UHRF1: variants seen among roughly 807,000 people sequenced by gnomAD.
UHRF1 encodes ubiquitin like with PHD and ring finger domains 1, also known as E3 ubiquitin-protein ligase UHRF1.
UHRF1 carries 9 observed loss-of-function variants against 96.5 expected under a neutral mutation model. The observed-to-expected ratio is 0.09, with a 90% CI of 0.06 to 0.16. The LOEUF (loss-of-function observed/expected upper bound fraction) is 0.16. Among genes scored for constraint, UHRF1 ranks in the 10% least tolerant of loss-of-function variants. The pLI is 1.00. For missense variants in UHRF1, 626 were observed against 1,131.1 expected, an observed-to-expected ratio of 0.55 and a Z score of 6.40; for synonymous variants, 455 against 469.9, an observed-to-expected ratio of 0.97 and a Z score of 0.41.
chr19:4,937,162 C>T (rs2033241207), intron 5 of UHRF1, among the ~76,000 whole-genome samples: 3 of 152,096 alleles, frequency 2.0e-5, no homozygotes, highest in South Asian at 2.1e-4. Flanking sequence ...TGGAATCACA[C>T]AGTATGTAAC....
In UHRF1 at chr19:4,932,864, C is replaced by A; in HGVS notation, c.693C>A (p.Asn231Lys). The A allele has an allele frequency of 6.2e-7, 1 of 1,613,868 alleles. No individual in the cohort carries two copies. The highest frequency in any genetic ancestry group is 8.5e-7 in the Non-Finnish European group (1 of 1,179,898). The change falls in exon 5 of 17, where the codon AAC becomes AAA. Residue 231 changes from asparagine to lysine, a missense_variant. Asn to Lys is a moderately conservative substitution (Grantham distance 94). Around this residue, in one of 11 missense-constraint regions of UHRF1, gnomAD observed 198 missense variants for 235.1 expected, o/e 0.84. Transcript: ENST00000650932. ...TCATGCTCAACTACAACCCCGACAA[C>A]CCCAAGGAGCGGGGCTTCTGGTACG... Reference protein sequence around the residue: ...QVVMLNYNPDNPKERGFWYDA... With the variant: ...QVVMLNYNPDKPKERGFWYDA...
Position 4,950,362 on chromosome 19 carries a change from G to C in UHRF1, c.1518-249G>C, listed in dbSNP as rs369595081. 6.1e-4 allele frequency among the ~76,000 whole-genome samples: 93 copies of C among 151,660 alleles called. No individual in the cohort carries two copies. In the South Asian group the frequency reaches 0.019, roughly 31 times the overall value. The stretch of plus-strand genomic sequence containing the variant: ...AGACTCAAGCGATTCTCCTGCCTCA[G>C]CCTCCTGAGTAGCTGGAATTACAGG... On this transcript the variant is annotated intron_variant, in intron 11 of 16. Transcript: ENST00000650932.
intron 11 of UHRF1, among the ~76,000 whole-genome samples, chr19:4,948,622 T>C (rs868161858): frequency 8.6e-5 from 13 of 151,686 alleles, no homozygotes; most frequent in African/African-American, 2.9e-4. Context: ...GCCAACATGG[T>C]GAAACCCTGT....
rs142115287 is a variant in UHRF1, at chr19:4,921,038, C to T, written c.154-8184C>T. Among the ~76,000 whole-genome samples, 728 of 150,384 alleles carry T rather than the reference C, an allele frequency of 4.8e-3. 3 individuals are homozygous for T. The highest frequency in any genetic ancestry group is 0.017 in the African/African-American group (691 of 40,934). On this transcript the variant is annotated intron_variant, in intron 2 of 16. Transcript: ENST00000650932. ...ACTCGGGAGGCTGAGGCAGGAGAAT[C>T]GCTTGAACCCAGGAGGCGGAGGTCA...
intron 9 of UHRF1, among the ~76,000 whole-genome samples, chr19:4,945,269 T>A (rs2033528740): frequency 6.6e-6 from 1 of 151,956 alleles, no homozygotes; most frequent in Admixed American, 6.6e-5. Flanking sequence ...CCCACTTTTA[T>A]TTTTTTTGAG....
At chr19:4,927,067 AAAAAC>A (rs933112126) in intron 2 of UHRF1, among the ~76,000 whole-genome samples, 12 of 152,026 alleles carry the variant, frequency 7.9e-5, no homozygotes, top group East Asian at 3.9e-4. Context: ...CCTCAAAACA[AAAAAC>A]AAAACAAAAC....
chr19:4,944,604 G>T (rs1418517788), intron 9 of UHRF1, among the ~76,000 whole-genome samples, 154 bp downstream of exon 9: 1 of 152,194 alleles, frequency 6.6e-6, no homozygotes, highest in African/African-American at 2.4e-5. Flanking sequence ...GCAGGTTTGG[G>T]TTTACTCCTT....
At chr19:4,959,093 T>C (rs1242828354) in intron 16 of UHRF1, among the ~76,000 whole-genome samples, 1 of 149,802 alleles carries the variant, frequency 6.7e-6, no homozygotes, top group East Asian at 2.1e-4. Context: ...GAGATCCTCC[T>C]GCCTTAGCCT....
intron 1 of UHRF1, 36 bp from the exon 2 acceptor site, chr19:4,910,839 TA>T: frequency 6.4e-7 from 1 of 1,571,452 alleles, no homozygotes; most frequent in Non-Finnish European, 8.7e-7. Context: ...GAGGTGCTGG[TA>T]AAACTGATGG....
intron 10 of UHRF1, among the ~76,000 whole-genome samples, chr19:4,946,876 C>T (rs1383603451): frequency 1.3e-5 from 2 of 151,910 alleles, no homozygotes; most frequent in Non-Finnish European, 2.9e-5. Context: ...ATGCCCAGCC[C>T]TCTGTTTAAG....
At position 4,950,776 on chromosome 19, in the gene UHRF1, G is replaced by A. The variant is rs374648832; in HGVS notation, c.1680+3G>A. 3 of 1,613,132 alleles carry A rather than the reference G, an allele frequency of 1.9e-6. No homozygotes were observed. The highest frequency in any genetic ancestry group is 2.7e-5 in the African/African-American group (2 of 74,920). ...ACCGCTACGATGGCATCTACAAGGTGAGTGCCCCTTGAGGAGGCCGGGGGC... is the reference window on the plus strand; with the variant it reads ...ACCGCTACGATGGCATCTACAAGGTAAGTGCCCCTTGAGGAGGCCGGGGGC... On this transcript the variant is annotated splice_donor_region_variant and intron_variant, in intron 12 of 16. Coordinates refer to ENST00000650932, the MANE Select transcript of UHRF1 (RefSeq NM_001048201.3).
chr19:4,957,643 C>A (rs2033893679), intron 16 of UHRF1, among the ~76,000 whole-genome samples: 1 of 152,132 alleles, frequency 6.6e-6, no homozygotes, highest in Non-Finnish European at 1.5e-5. Flanking sequence ...TGGTTTGGGG[C>A]CAGGACAGGG....
In UHRF1 at chr19:4,954,802, C is replaced by T. The variant is rs760435882; in HGVS notation, c.2110C>T (p.Arg704Trp). ...TGAGGTCCTGGCGTCACTCAAGGAC[C>T]GGCCGGCGAGCGGCAGCCCGGTAGG... ...WNEVLASLKD[R>W]PASGSPFQLF... Residue 704 changes from arginine (R) to tryptophan (W), a missense_variant, in exon 15 of 17, where the codon CGG becomes TGG. Transcript: ENST00000650932. The surrounding 1 kb of genome is among the most constrained non-coding windows in gnomAD (Gnocchi z 5.9). The T allele has an allele frequency of 1.9e-5, 30 of 1,613,564 alleles. No homozygotes were observed. Among genetic ancestry groups the T allele is most frequent in the African/African-American group, 2.7e-5 (2 of 74,930 alleles).
At chr19:4,941,421 C>T (rs1042798201) in intron 5 of UHRF1, 107 bp from the exon 6 acceptor site, 8 of 798,668 alleles carry the variant, frequency 1.0e-5, no homozygotes, top group Non-Finnish European at 1.7e-5. Flanking sequence ...GGGGGCGTAG[C>T]TGAGCTGTTG....
intron 5 of UHRF1, among the ~76,000 whole-genome samples, chr19:4,941,142 GTGCAGTGGCGCGATCTTGGCTCAC>G (rs1382166423): frequency 7.3e-6 from 1 of 136,710 alleles, no homozygotes; most frequent in African/African-American, 2.8e-5. Context: ...CCAGGCTGGA[GTGCAGTGGCGCGATCTTGGCTCAC>G]TGCAACCTCT....
At chr19:4,959,439 G>C (rs543281565) in intron 16 of UHRF1, among the ~76,000 whole-genome samples, 1 of 152,180 alleles carries the variant, frequency 6.6e-6, no homozygotes, top group Non-Finnish European at 1.5e-5. Flanking sequence ...GCTGTGTGAC[G>C]ACATGCTGCA....
chr19:4,946,080 G>T, intron 10 of UHRF1, 115 bp downstream of exon 10: 2 of 757,040 alleles, frequency 2.6e-6, no homozygotes, highest in South Asian at 1.8e-5. Flanking sequence ...GGTTCCCGGT[G>T]GCGTGAAGTA....
At chr19:4,909,912 GCC>G (rs1403973131) in intron 1 of UHRF1, among the ~76,000 whole-genome samples, 1 of 151,344 alleles carries the variant, frequency 6.6e-6, no homozygotes, top group African/African-American at 2.4e-5. Flanking sequence ...CTGGCGAGCC[GCC>G]GGGGAGGATG....
chr19:4,941,891 C>T lies in UHRF1; in HGVS notation c.1033C>T (p.Leu345=). 1 of 1,539,606 alleles carries T rather than the reference C, an allele frequency of 6.5e-7. No individual in the cohort carries two copies. The highest frequency in any genetic ancestry group is 8.8e-7 in the Non-Finnish European group (1 of 1,141,460). ...ECDMAFHIYC[L]DPPLSSVPSE... is the part of the protein sequence containing the mutation. ...CGACATGGCCTTCCACATCTACTGC[C>T]TGGACCCGCCCCTCAGCAGTGTTCC... is the stretch of plus-strand genomic sequence containing the variant. The change falls in exon 7 of 17, where the codon CTG becomes TTG. Residue 345 remains leucine (L), a synonymous_variant. Transcript: ENST00000650932.
Sources: allele counts gnomAD v4.1 joint callset (sites outside exome capture counted in the v4.1 genomes callset), GRCh38; gene constraint gnomAD v4.1.1; regional missense constraint gnomAD v4.1.1; non-coding constraint Gnocchi (gnomAD v3.1); transcripts MANE v1.5; gene names NCBI Gene and HGNC (gene_info 2026-07-23, HGNC 2026-07-21).